Variants in TBC1D2B observed in about 807,000 individuals in gnomAD.
TBC1D2B encodes TBC1 domain family, member 2B.
A neutral mutation model predicts 100.8 loss-of-function variants in TBC1D2B; 64 were observed. The observed-to-expected ratio is 0.64, with a 90% confidence interval of 0.52 to 0.78. The LOEUF is 0.78. TBC1D2B is among the 30% of genes least tolerant of loss of function. The pLI is 0.00. For synonymous variants in TBC1D2B, 480 were observed against 479.7 expected (o/e 1.00, Z -0.01); for missense variants, 1,052 against 1,218.4 (o/e 0.86, Z 2.03).
At chr15:78,046,021 T>C (rs1193788341) in intron 2 of TBC1D2B, among the ~76,000 whole-genome samples, 1 of 152,166 alleles carries the variant, frequency 6.6e-6, no homozygotes, top group Non-Finnish European at 1.5e-5. Context: ...AACCTCCTCC[T>C]CCTGGGTTCA....
chr15:78,006,209 G>T (rs2141632538), intron 10 of TBC1D2B, among the ~76,000 whole-genome samples: 1 of 152,210 alleles, frequency 6.6e-6, no homozygotes, highest in South Asian at 2.1e-4. Flanking sequence ...AAAGATCAAT[G>T]CTTCATTTTT....
chr15:78,076,783 C>CT (rs1225039185), intron 1 of TBC1D2B, among the ~76,000 whole-genome samples: 1 of 152,182 alleles, frequency 6.6e-6, no homozygotes, highest in Non-Finnish European at 1.5e-5. Context: ...AATAAAAGCA[C>CT]TGACATTTAC....
At chr15:78,006,788 T>C (rs2072079701) in intron 10 of TBC1D2B, among the ~76,000 whole-genome samples, 1 of 152,204 alleles carries the variant, frequency 6.6e-6, no homozygotes, top group Non-Finnish European at 1.5e-5. Flanking sequence ...CAGGGCTCAG[T>C]AAATGCCAAC....
intron 1 of TBC1D2B, among the ~76,000 whole-genome samples, chr15:78,075,179 T>C (rs1317891168): frequency 6.6e-6 from 1 of 152,032 alleles, no homozygotes; most frequent in Non-Finnish European, 1.5e-5. Context: ...ACCCTGCTTA[T>C]GTAGATTCTT....
chr15:78,054,607 G>A (rs2073382354), intron 1 of TBC1D2B, among the ~76,000 whole-genome samples: 1 of 152,132 alleles, frequency 6.6e-6, no homozygotes, highest in South Asian at 2.1e-4. Context: ...CAGCATCTGA[G>A]AGTATACAAA....
At chr15:78,005,010 C>A (rs1300758183) in intron 10 of TBC1D2B, among the ~76,000 whole-genome samples, 2 of 152,202 alleles carry the variant, frequency 1.3e-5, no homozygotes, top group African/African-American at 2.4e-5. Context: ...CACTGTAAGA[C>A]CAGCTAATGA....
chr15:78,048,618 C>T (rs2073249057), intron 2 of TBC1D2B, among the ~76,000 whole-genome samples: 1 of 152,184 alleles, frequency 6.6e-6, no homozygotes, highest in Non-Finnish European at 1.5e-5. Context: ...TGCATTGTTC[C>T]CATTTCCTAG....
chr15:78,001,463 C>G (rs1274180527), intron 12 of TBC1D2B, among the ~76,000 whole-genome samples, 156 bp downstream of exon 12: 2 of 152,206 alleles, frequency 1.3e-5, no homozygotes, highest in Non-Finnish European at 2.9e-5. Context: ...GGGGCTCACA[C>G]CCCTTGCTCT....
chr15:78,073,947 C>A (rs1336689806), intron 1 of TBC1D2B, among the ~76,000 whole-genome samples: 1 of 149,800 alleles, frequency 6.7e-6, no homozygotes, highest in African/African-American at 2.5e-5. Context: ...CCAGCCTGGG[C>A]GACACAGCAA....
intron 3 of TBC1D2B, among the ~76,000 whole-genome samples, chr15:78,038,886 G>C (rs2073010390): frequency 6.6e-6 from 1 of 152,188 alleles, no homozygotes; most frequent in South Asian, 2.1e-4. Flanking sequence ...TGATATGTGG[G>C]CCCCTGGGAG....
chr15:78,068,383 C>CCACCCA (rs368459038), intron 1 of TBC1D2B, among the ~76,000 whole-genome samples: 1 of 143,012 alleles, frequency 7.0e-6, no homozygotes, highest in African/African-American at 2.6e-5. Context: ...CACACCACAC[C>CCACCCA]CACACACACA....
At chr15:78,024,115 G>T (rs756775189) in intron 6 of TBC1D2B, 41 bp downstream of exon 6, 2 of 1,563,462 alleles carry the variant, frequency 1.3e-6, no homozygotes, top group Non-Finnish European at 1.7e-6. Context: ...GACATCGGTG[G>T]TCTCTCATGC....
At chr15:78,021,131 C>T (rs1172382475) in intron 6 of TBC1D2B, among the ~76,000 whole-genome samples, 4 of 152,028 alleles carry the variant, frequency 2.6e-5, no homozygotes, top group South Asian at 4.1e-4. Context: ...ATTCCTGCCT[C>T]GGAATACTAT....
chr15:78,035,422 C>T (rs1245235379), intron 3 of TBC1D2B, among the ~76,000 whole-genome samples: 1 of 152,248 alleles, frequency 6.6e-6, no homozygotes, highest in Non-Finnish European at 1.5e-5. Flanking sequence ...ACCGCCTGCA[C>T]AGCCAGGTTT....
At chr15:78,076,160 C>G (rs1227607350) in intron 1 of TBC1D2B, among the ~76,000 whole-genome samples, 1 of 152,134 alleles carries the variant, frequency 6.6e-6, no homozygotes, top group Non-Finnish European at 1.5e-5. Context: ...TCTAGTCCCC[C>G]AGAACTCCCA....
intron 6 of TBC1D2B, among the ~76,000 whole-genome samples, chr15:78,018,218 CTGA>C (rs1404627270): frequency 6.6e-6 from 1 of 152,152 alleles, no homozygotes; most frequent in East Asian, 1.9e-4. Context: ...TTTTTCTCAA[CTGA>C]TGACAGGAGA....
Position 78,069,894 on chromosome 15 carries a change from G to A in TBC1D2B, c.360+7399C>T, listed in dbSNP as rs114886639. On this transcript the variant is annotated intron_variant, in intron 1 of 12. Transcript: ENST00000300584. ...AAATCTGCTGGTGCCTTCATCTTGGGCTTCCCAGCCTCCAGAACTATGAGA... is the reference window on the plus strand; with the variant it reads ...AAATCTGCTGGTGCCTTCATCTTGGACTTCCCAGCCTCCAGAACTATGAGA... 3.7e-3 allele frequency among the ~76,000 whole-genome samples: 565 copies of A among 152,268 alleles called. 4 individuals are homozygous for A. The highest frequency in any genetic ancestry group is 0.013 in the African/African-American group (545 of 41,532).
chr15:78,030,365 A>C (rs1434604189), intron 3 of TBC1D2B, among the ~76,000 whole-genome samples, 195 bp from the exon 4 acceptor site: 1 of 151,654 alleles, frequency 6.6e-6, no homozygotes, highest in African/African-American at 2.4e-5. Flanking sequence ...ACAGTGGTGC[A>C]ATCTTGGCTC....
rs55676203 is a variant in TBC1D2B, at chr15:78,011,803, C to T, written c.2270+1020G>A. ...AGCTGGGATTACAGGCATGTGCCAC[C>T]GTCTGGCAAATTTTTGTATTTTTAG... On this transcript the variant is annotated intron_variant, in intron 9 of 12. Transcript: ENST00000300584. Among the ~76,000 whole-genome samples the T allele has an allele frequency of 4.9e-3, 739 of 152,018 alleles. 8 individuals carry two copies. The highest frequency in any genetic ancestry group is 0.017 in the African/African-American group (697 of 41,446).
Sources: allele counts gnomAD v4.1 joint callset (sites outside exome capture counted in the v4.1 genomes callset), GRCh38; gene constraint gnomAD v4.1.1; transcripts MANE v1.5; gene names NCBI Gene and HGNC (gene_info 2026-07-23, HGNC 2026-07-21).